Variants in SLC13A3 observed in about 807,000 individuals in gnomAD.
SLC13A3 encodes Na(+)/dicarboxylate cotransporter 3.
In SLC13A3, 40 loss-of-function variants were observed where a neutral mutation model predicts 59.0. The ratio of observed to expected loss-of-function variants is 0.68; its 90% CI spans 0.53 to 0.88. SLC13A3 has a LOEUF of 0.88. Ranked by LOEUF, SLC13A3 falls within the 40% of genes least tolerant of loss-of-function variation. The pLI, the probability that SLC13A3 is intolerant of heterozygous loss-of-function variation, is 0.00. For synonymous variants in SLC13A3, 317 were observed against 330.3 expected (o/e 0.96, Z 0.44); for missense variants, 699 against 783.2 (o/e 0.89, Z 1.28).
intron 1 of SLC13A3, among the ~76,000 whole-genome samples, chr20:46,641,189 C>T (rs898132495): frequency 8.5e-5 from 13 of 152,148 alleles, no homozygotes; most frequent in African/African-American, 3.1e-4. Context: ...CCTGCTCAAA[C>T]GTTACGCAAA....
chr20:46,584,094 C>T (rs989704920), intron 8 of SLC13A3: 15 of 985,302 alleles, frequency 1.5e-5, no homozygotes, highest in South Asian at 4.7e-5. Flanking sequence ...ATACAGCCCA[C>T]TCACACCAGT....
At chr20:46,597,853 A>ATT (rs1181089068) in intron 4 of SLC13A3, among the ~76,000 whole-genome samples, 1 of 152,220 alleles carries the variant, frequency 6.6e-6, no homozygotes, top group Non-Finnish European at 1.5e-5. Flanking sequence ...TTTCAAGAGT[A>ATT]TTTTTTGACA....
At chr20:46,609,023 C>T in intron 3 of SLC13A3, 1 of 1,550,596 alleles carries the variant, frequency 6.4e-7, no homozygotes. Flanking sequence ...GAAGTTTCAG[C>T]CTTTCCTCAG....
intron 9 of SLC13A3, among the ~76,000 whole-genome samples, chr20:46,580,123 T>C (rs895382524): frequency 3.3e-5 from 5 of 152,130 alleles, no homozygotes; most frequent in African/African-American, 9.7e-5. Context: ...ACCCTGATAA[T>C]TTTTGTATTT....
chr20:46,619,626 T>C (rs1032512842), intron 1 of SLC13A3, among the ~76,000 whole-genome samples: 3 of 152,192 alleles, frequency 2.0e-5, no homozygotes, highest in African/African-American at 7.2e-5. Flanking sequence ...GCTTCCCACA[T>C]TCCCCACTTT....
At position 46,586,596 on chromosome 20, in the gene SLC13A3, CA is replaced by C. The variant is rs549046339; in HGVS notation, c.1121+1462del. On this transcript the variant is annotated intron_variant, in intron 8 of 12. Coordinates refer to ENST00000279027, the MANE Select transcript of SLC13A3 (RefSeq NM_022829.6). ...CCTATTGAGCTTGACAAGTCTAAAC[CA>C]AGTCCAAAATAGAATTATGAATAAG... is the stretch of plus-strand genomic sequence containing the variant. Among the ~76,000 whole-genome samples, 13 of 152,246 alleles carry C rather than the reference CA, an allele frequency of 8.5e-5. No individual in the cohort carries two copies. The South Asian group carries it at 2.7e-3, about 32-fold the overall frequency.
At chr20:46,562,024 C>T (rs1055990204) in intron 12 of SLC13A3, among the ~76,000 whole-genome samples, 14 of 152,162 alleles carry the variant, frequency 9.2e-5, no homozygotes, top group Non-Finnish European at 1.9e-4. Flanking sequence ...CTCTTGGGGA[C>T]TCTCCATTTC....
intron 4 of SLC13A3, among the ~76,000 whole-genome samples, chr20:46,597,807 C>T (rs1196862203): frequency 1.3e-5 from 2 of 152,174 alleles, no homozygotes; most frequent in African/African-American, 2.4e-5. Context: ...TATAATCTAC[C>T]TCTGGAAGTG....
chr20:46,666,492 T>TGTG (rs1382347423), intron 1 of SLC13A3, among the ~76,000 whole-genome samples: 3 of 151,890 alleles, frequency 2.0e-5, no homozygotes, highest in African/African-American at 7.3e-5. Context: ...TTGTTGTTGT[T>TGTG]GTTGTTGTTG....
intron 6 of SLC13A3, among the ~76,000 whole-genome samples, chr20:46,590,575 C>A (rs985844244): frequency 6.6e-6 from 1 of 152,108 alleles, no homozygotes; most frequent in Non-Finnish European, 1.5e-5. Context: ...CATATGCTTC[C>A]AAACCTATGA....
chr20:46,611,469 A>T (rs1312581224), intron 2 of SLC13A3, among the ~76,000 whole-genome samples: 1 of 152,104 alleles, frequency 6.6e-6, no homozygotes, highest in Non-Finnish European at 1.5e-5. Context: ...AATTAGTTCC[A>T]TAGATGGAGT....
At chr20:46,655,594 C>T (rs1201611442), upstream of SLC13A3, among the ~76,000 whole-genome samples, 1 of 146,782 alleles carries the variant, frequency 6.8e-6, no homozygotes, top group Non-Finnish European at 1.5e-5. Context: ...TATGGATATA[C>T]CATATCATGT....
chr20:46,672,894 G>A (rs2063101389), upstream of SLC13A3, among the ~76,000 whole-genome samples: 1 of 152,116 alleles, frequency 6.6e-6, no homozygotes, highest in Non-Finnish European at 1.5e-5. Context: ...CATCTGAATG[G>A]CTGAGTGACC....
chr20:46,568,258 C>T (rs955609748), intron 10 of SLC13A3, among the ~76,000 whole-genome samples: 5 of 151,492 alleles, frequency 3.3e-5, no homozygotes, highest in South Asian at 2.1e-4. Flanking sequence ...ATTAGCCAGG[C>T]GTGGTGGTGC....
At chr20:46,637,778 G>A (rs573498335) in intron 1 of SLC13A3, among the ~76,000 whole-genome samples, 13 of 152,248 alleles carry the variant, frequency 8.5e-5, no homozygotes, top group African/African-American at 2.9e-4. Flanking sequence ...ACTTGCCCAA[G>A]GTCACACAGC....
chr20:46,650,891 C>T (rs1352173460), intron 1 of SLC13A3, among the ~76,000 whole-genome samples: 1 of 151,902 alleles, frequency 6.6e-6, no homozygotes, highest in Non-Finnish European at 1.5e-5. Context: ...ATAGTGAGAC[C>T]CTATCTCTAT....
At chr20:46,668,334 C>T (rs1410138899) in intron 1 of SLC13A3, among the ~76,000 whole-genome samples, 1 of 152,156 alleles carries the variant, frequency 6.6e-6, no homozygotes, top group Non-Finnish European at 1.5e-5. Flanking sequence ...CCAATGAACA[C>T]ATGGATGATA....
At position 46,596,263 on chromosome 20, in the gene SLC13A3, T is replaced by C. The variant is rs2062311549; in HGVS notation, c.688A>G (p.Ile230Val). 4 of 1,614,180 alleles carry C rather than the reference T, an allele frequency of 2.5e-6. No individual in the cohort carries two copies. The South Asian group carries it at 3.3e-5, about 13-fold the overall frequency. The change falls in exon 5 of 13, where the codon ATC becomes GTC. Residue 230 changes from isoleucine (I) to valine (V), a missense_variant. Coordinates refer to ENST00000279027, the MANE Select transcript of SLC13A3 (RefSeq NM_022829.6). The part of the protein sequence containing the change: ...SRKEDEYRRN[I>V]WKGFLISIPY... ...ATGGAGATGAGGAAGCCCTTCCAGA[T>C]GTTCCGACGATATTCATCCTCCTTC...
Position 46,613,740 on chromosome 20 carries a change from G to T in SLC13A3, c.112-15C>A, listed in dbSNP as rs915175870. The T allele has an allele frequency of 2.5e-6, 4 of 1,583,204 alleles. No homozygotes were observed. The highest frequency in any genetic ancestry group is 2.6e-6 in the Non-Finnish European group (3 of 1,163,380). On this transcript the variant is annotated splice_polypyrimidine_tract_variant and intron_variant, in intron 1 of 12. Coordinates refer to ENST00000279027, the MANE Select transcript of SLC13A3 (RefSeq NM_022829.6). ...CAGCGGCCTTCCTGCAGGAGGAGATGCATGCTCAGAGGGTCAGCGGGGCTC... is the reference window on the plus strand; with the variant it reads ...CAGCGGCCTTCCTGCAGGAGGAGATTCATGCTCAGAGGGTCAGCGGGGCTC...
Sources: allele counts gnomAD v4.1 joint callset (sites outside exome capture counted in the v4.1 genomes callset), GRCh38; gene constraint gnomAD v4.1.1; transcripts MANE v1.5; gene names NCBI Gene and HGNC (gene_info 2026-07-23, HGNC 2026-07-21).